The following ERC1 variants were observed in gnomAD, a reference collection of about 807,000 sequenced individuals.
ERC1 encodes the protein RAB6 interacting protein 2.
In ERC1, 56 loss-of-function variants were observed where a neutral mutation model predicts 132.0. The observed-to-expected ratio is 0.42, with a 90% CI of 0.34 to 0.53. ERC1 has a LOEUF of 0.53. Ranked by LOEUF, ERC1 falls within the 20% of genes least tolerant of loss-of-function variation. The pLI is 0.03. For missense variants in ERC1, 1,202 were observed against 1,349.9 expected (o/e 0.89, Z 1.72); for synonymous variants, 478 against 476.1 (o/e 1.00, Z -0.05).
intron 1 of ERC1, among the ~76,000 whole-genome samples, chr12:995,716 TAGTG>T (rs758542364): frequency 3.3e-5 from 5 of 152,096 alleles, no homozygotes; most frequent in African/African-American, 4.8e-5. Flanking sequence ...ATAAGTTACT[TAGTG>T]AGTATGGTTC....
At chr12:1,178,864 T>C (rs1488472720) in intron 8 of ERC1, among the ~76,000 whole-genome samples, 2 of 152,188 alleles carry the variant, frequency 1.3e-5, no homozygotes, top group African/African-American at 4.8e-5. Flanking sequence ...GTAAGCTCCA[T>C]GAAGGCAGGG....
At chr12:1,114,215 G>C (rs1473971464) in intron 6 of ERC1, among the ~76,000 whole-genome samples, 2 of 151,930 alleles carry the variant, frequency 1.3e-5, no homozygotes, top group Non-Finnish European at 2.9e-5. Context: ...GTAGAGATGG[G>C]TTTCACTATG....
chr12:1,250,049 A>T (rs2076380335), intron 13 of ERC1, among the ~76,000 whole-genome samples: 1 of 152,162 alleles, frequency 6.6e-6, no homozygotes, highest in Non-Finnish European at 1.5e-5. Context: ...TCTGATTCTG[A>T]TCTGATCTGA....
At chr12:1,405,146 T>TATAAAAATAAATAAATAA in intron 16 of ERC1, among the ~76,000 whole-genome samples, 1 of 142,202 alleles carries the variant, frequency 7.0e-6, no homozygotes, top group African/African-American at 2.6e-5. Flanking sequence ...GCTCAAAAAA[T>TATAAAAATAAATAAATAA]ATAAATAAAT....
chr12:1,330,581 G>A (rs1363894482), intron 15 of ERC1, among the ~76,000 whole-genome samples: 1 of 151,986 alleles, frequency 6.6e-6, no homozygotes, highest in Non-Finnish European at 1.5e-5. Flanking sequence ...AAGGTTATCA[G>A]TACCTCTACT....
At chr12:1,391,770 C>G (rs994878855) in intron 16 of ERC1, among the ~76,000 whole-genome samples, 1 of 152,166 alleles carries the variant, frequency 6.6e-6, no homozygotes, top group Non-Finnish European at 1.5e-5. Flanking sequence ...TGTTGCTAGG[C>G]TGTCCCTTTC....
intron 1 of ERC1, among the ~76,000 whole-genome samples, chr12:999,353 C>G (rs894928017): frequency 1.3e-5 from 2 of 152,158 alleles, no homozygotes; most frequent in Non-Finnish European, 2.9e-5. Flanking sequence ...TTGGATGCCC[C>G]TTAAACCGAA....
intron 15 of ERC1, among the ~76,000 whole-genome samples, chr12:1,305,764 T>A (rs1422755311): frequency 2.0e-5 from 3 of 152,222 alleles, no homozygotes; most frequent in African/African-American, 7.2e-5. Context: ...CTCCTAATTT[T>A]TGTCAACTGT....
intron 13 of ERC1, among the ~76,000 whole-genome samples, chr12:1,241,506 T>C (rs182066866): frequency 1.3e-5 from 2 of 152,220 alleles, no homozygotes; most frequent in African/African-American, 4.8e-5. Flanking sequence ...TTGCTTATCT[T>C]GTCCTTTCAA....
At chr12:1,180,278 T>TGTGC in intron 8 of ERC1, among the ~76,000 whole-genome samples, 1 of 145,884 alleles carries the variant, frequency 6.9e-6, no homozygotes, top group Non-Finnish European at 1.5e-5. Context: ...TGTGTGTGTG[T>TGTGC]GTGTGCGCGC....
intron 16 of ERC1, among the ~76,000 whole-genome samples, chr12:1,388,080 G>A (rs746760457): frequency 3.3e-5 from 5 of 152,116 alleles, no homozygotes; most frequent in Non-Finnish European, 4.4e-5. Flanking sequence ...AGTTAGCCTC[G>A]GCCGGGCGTG....
At chr12:1,075,842 G>A (rs1270881731) in intron 2 of ERC1, among the ~76,000 whole-genome samples, 1 of 152,186 alleles carries the variant, frequency 6.6e-6, no homozygotes, top group Non-Finnish European at 1.5e-5. Flanking sequence ...TGAGTAGGCT[G>A]AGGAAGAGGA....
At chr12:1,221,342 A>C (rs1958964569) in intron 12 of ERC1, among the ~76,000 whole-genome samples, 1 of 152,242 alleles carries the variant, frequency 6.6e-6, no homozygotes, top group South Asian at 2.1e-4. Flanking sequence ...GGAGTTGTAT[A>C]AAATCGGGTC....
chr12:1,176,541 T>A (rs1953741011), intron 8 of ERC1, among the ~76,000 whole-genome samples: 1 of 152,142 alleles, frequency 6.6e-6, no homozygotes, highest in Non-Finnish European at 1.5e-5. Flanking sequence ...AGAGTCATCC[T>A]CTTCTTTGAA....
intron 2 of ERC1, among the ~76,000 whole-genome samples, chr12:1,061,658 G>A (rs535643006): frequency 1.3e-5 from 2 of 151,902 alleles, no homozygotes; most frequent in Admixed American, 1.3e-4. Context: ...TTGTTTCATT[G>A]ATGTTTTATA....
chr12:1,361,832 G>A (rs1300784166), intron 15 of ERC1, among the ~76,000 whole-genome samples: 1 of 152,196 alleles, frequency 6.6e-6, no homozygotes, highest in African/African-American at 2.4e-5. Flanking sequence ...TTGACTTTCT[G>A]TATGAAGTAT....
intron 1 of ERC1, among the ~76,000 whole-genome samples, chr12:1,010,084 T>C (rs942974598): frequency 2.0e-5 from 3 of 152,180 alleles, no homozygotes; most frequent in African/African-American, 7.2e-5. Context: ...CCTTAGTGAG[T>C]ACACATATAA....
chr12:1,220,724 A>G (rs892246590), intron 12 of ERC1, among the ~76,000 whole-genome samples: 13 of 152,360 alleles, frequency 8.5e-5, no homozygotes, highest in African/African-American at 2.9e-4. Context: ...AGAAAAATAT[A>G]TGAGACAGAT....
At chr12:1,039,324 C>T (rs1314259336) in intron 2 of ERC1, among the ~76,000 whole-genome samples, 8 of 139,768 alleles carry the variant, frequency 5.7e-5, no homozygotes, top group Non-Finnish European at 9.1e-5. Context: ...GGTGACAGAG[C>T]GAGACGTTGT....
Sources: gnomAD v4.1 joint callset for allele counts (sites outside exome capture counted in the v4.1 genomes callset) on GRCh38, gnomAD v4.1.1 for gene constraint, MANE v1.5 for transcripts, NCBI Gene and HGNC (gene_info 2026-07-23, HGNC 2026-07-21) for gene names.